Variants in PPFIA2 observed in about 807,000 individuals in gnomAD.
PPFIA2 encodes the protein liprin-alpha-2.
A neutral mutation model predicts 175.5 loss-of-function variants in PPFIA2; 46 were observed. The ratio of observed to expected loss-of-function variants is 0.26; its 90% CI spans 0.21 to 0.34. The LOEUF (loss-of-function observed/expected upper bound fraction) is 0.34. Among genes scored for constraint, PPFIA2 ranks in the 10% least tolerant of loss-of-function variants. The probability of loss-of-function intolerance (pLI) is 1.00; values close to 1 mark genes in which losing one functional copy is unlikely to be tolerated. For missense variants in PPFIA2, 1,179 were observed against 1,506.1 expected, an observed-to-expected ratio of 0.78 and a Z score of 3.60; for synonymous variants, 568 against 511.4, an observed-to-expected ratio of 1.11 and a Z score of -1.49.
chr12:81,717,770 T>C (rs1462801780), intron 3 of PPFIA2, among the ~76,000 whole-genome samples: 2 of 151,634 alleles, frequency 1.3e-5, no homozygotes, highest in Non-Finnish European at 3.0e-5. Context: ...AAGCTCCATG[T>C]AAGGAGAATC....
rs1448106475 is a variant in PPFIA2, at chr12:81,478,391, A to AT, written c.304-20526dup. Reference sequence around the variant, plus strand: ...CTGGATTCATTGATTTTTTTGAAGGATTTTACGTCTCTATCCCTTCAGATC... The same window carrying AT: ...CTGGATTCATTGATTTTTTTGAAGGATTTTTACGTCTCTATCCCTTCAGATC... On this transcript the variant is annotated intron_variant, in intron 4 of 32. Coordinates refer to ENST00000549396, the MANE Select transcript of PPFIA2 (RefSeq NM_003625.5). Among the ~76,000 whole-genome samples the AT allele has an allele frequency of 2.0e-5, 3 of 151,564 alleles. No individual in the cohort carries two copies. In the East Asian group the frequency reaches 5.8e-4, roughly 29 times the overall value.
At chr12:81,369,482 T>A in intron 11 of PPFIA2, 3 of 1,229,604 alleles carry the variant, frequency 2.4e-6, no homozygotes, top group Non-Finnish European at 3.1e-6. Context: ...CCTGCCATTG[T>A]CCAATCTTAA....
At chr12:81,593,082 T>C (rs1412134729) in intron 4 of PPFIA2, among the ~76,000 whole-genome samples, 1 of 152,158 alleles carries the variant, frequency 6.6e-6, no homozygotes, top group Non-Finnish European at 1.5e-5. Flanking sequence ...ATAAAATTTC[T>C]TCATGCAATT....
At chr12:81,362,825 C>T (rs1166234599) in intron 14 of PPFIA2, 41 bp from the exon 15 acceptor site, 1 of 1,218,470 alleles carries the variant, frequency 8.2e-7, no homozygotes. Flanking sequence ...CCAGTAATAT[C>T]AGCAAGCAAT....
intron 4 of PPFIA2, among the ~76,000 whole-genome samples, chr12:81,603,883 T>G (rs2060035062): frequency 1.3e-5 from 2 of 151,284 alleles, no homozygotes; most frequent in South Asian, 4.2e-4. Flanking sequence ...CTGTTTTCCT[T>G]TCTCTTCCAC....
chr12:81,266,582 A>G (rs2037326974), intron 30 of PPFIA2, among the ~76,000 whole-genome samples: 1 of 152,184 alleles, frequency 6.6e-6, no homozygotes. Flanking sequence ...GGCAAGATAT[A>G]CTGATATTTA....
At chr12:81,591,361 G>A (rs142966370) in intron 4 of PPFIA2, among the ~76,000 whole-genome samples, 1 of 152,316 alleles carries the variant, frequency 6.6e-6, no homozygotes, top group African/African-American at 2.4e-5. Context: ...GCCTGACAAT[G>A]CTATAGAAAA....
intron 7 of PPFIA2, among the ~76,000 whole-genome samples, chr12:81,435,783 T>C (rs903304794): frequency 2.0e-5 from 3 of 152,052 alleles, no homozygotes; most frequent in Non-Finnish European, 4.4e-5. Flanking sequence ...CGTTCTGAAT[T>C]TGGGAATTGA....
rs145605357 is a variant in PPFIA2, at chr12:81,293,626, A to T, written c.2925+1209T>A. Among the ~76,000 whole-genome samples, 881 of 151,964 alleles carry T rather than the reference A, an allele frequency of 5.8e-3. 21 individuals carry two copies. Among genetic ancestry groups the T allele is most frequent in the African/African-American group, 0.02 (848 of 41,510 alleles). On this transcript the variant is annotated intron_variant, in intron 24 of 32. Transcript: ENST00000549396. ...TCAGTCAGAATGGCTATTACTAAAAAGTTAAGAAAAAAAAAAGATGTCGGC... is the reference window on the plus strand; with the variant it reads ...TCAGTCAGAATGGCTATTACTAAAATGTTAAGAAAAAAAAAAGATGTCGGC...
At chr12:81,590,419 A>G (rs945110372) in intron 4 of PPFIA2, among the ~76,000 whole-genome samples, 1 of 152,112 alleles carries the variant, frequency 6.6e-6, no homozygotes, top group African/African-American at 2.4e-5. Flanking sequence ...GATTACAGAG[A>G]TATGATGCTA....
At chr12:81,710,413 A>G (rs193003636) in intron 3 of PPFIA2, among the ~76,000 whole-genome samples, 1 of 152,166 alleles carries the variant, frequency 6.6e-6, no homozygotes, top group African/African-American at 2.4e-5. Flanking sequence ...AAACTGTTGT[A>G]ATGTTTTAGA....
chr12:81,302,269 T>C (rs1253494019), intron 22 of PPFIA2: 1 of 372,664 alleles, frequency 2.7e-6, no homozygotes, highest in Non-Finnish European at 5.3e-6. Context: ...TATTTCCCAC[T>C]TTCTCACAAT....
At chr12:81,287,891 T>C (rs112788284) in intron 24 of PPFIA2, among the ~76,000 whole-genome samples, 8,217 of 151,820 alleles carry the variant, frequency 0.054, 232 homozygotes, top group Middle Eastern at 0.068. Context: ...GAAACAAATA[T>C]TGTATAACTT....
In PPFIA2 at chr12:81,501,128, T is replaced by C. The variant is rs1431008941; in HGVS notation, c.304-43262A>G. Among the ~76,000 whole-genome samples, 9 of 152,330 alleles carry C rather than the reference T, an allele frequency of 5.9e-5. No individual in the cohort carries two copies. The South Asian group carries it at 1.9e-3, about 32-fold the overall frequency. ...AGTCATCCTTTAGCCTATGATGTCCTACATGATTTGAATTCCCTTCCATTG... is the reference window on the plus strand; with the variant it reads ...AGTCATCCTTTAGCCTATGATGTCCCACATGATTTGAATTCCCTTCCATTG... On this transcript the variant is annotated intron_variant, in intron 4 of 32. Coordinates refer to ENST00000549396, the MANE Select transcript of PPFIA2 (RefSeq NM_003625.5).
At chr12:81,673,941 T>C (rs2071938249) in intron 4 of PPFIA2, among the ~76,000 whole-genome samples, 1 of 152,066 alleles carries the variant, frequency 6.6e-6, no homozygotes, top group African/African-American at 2.4e-5. Flanking sequence ...ATAAAATCTA[T>C]TTAACACTTA....
rs1567691255 is a variant in PPFIA2 at position 81,642,834 on chromosome 12, G to GTATATGCATGTATA, written c.303+33956_303+33957insTATACATGCATATA. The stretch of plus-strand genomic sequence containing the variant: ...ATTACATACATGTATATGTATGTAT[G>GTATATGCATGTATA]TATTACATACATATATAACATGTAT... On this transcript the variant is annotated intron_variant, in intron 4 of 32. Transcript: ENST00000549396. 4.3e-4 allele frequency among the ~76,000 whole-genome samples: 14 copies of GTATATGCATGTATA among 32,922 alleles called. 6 individuals are homozygous for GTATATGCATGTATA. The highest frequency in any genetic ancestry group is 1.8e-3 in the African/African-American group (14 of 7,626). 21.6% of individuals were successfully genotyped at this position (32,922 alleles called of 152,430 possible). A position where few individuals can be genotyped will look rare whatever the true frequency, so the allele number is the denominator to read the frequency against.
At chr12:81,477,467 G>A (rs774927367) in intron 4 of PPFIA2, among the ~76,000 whole-genome samples, 8 of 151,942 alleles carry the variant, frequency 5.3e-5, no homozygotes, top group Non-Finnish European at 8.8e-5. Context: ...GAAAATCTGT[G>A]CTGGTCTTGT....
intron 8 of PPFIA2, among the ~76,000 whole-genome samples, chr12:81,394,066 T>C (rs1305125703): frequency 1.3e-5 from 2 of 152,076 alleles, no homozygotes; most frequent in African/African-American, 2.4e-5. Context: ...GCTAAAAATA[T>C]GCAATAGCAG....
At chr12:81,300,890 T>C (rs1327286065) in intron 22 of PPFIA2, among the ~76,000 whole-genome samples, 1 of 152,166 alleles carries the variant, frequency 6.6e-6, no homozygotes, top group Non-Finnish European at 1.5e-5. Context: ...CTGAGACTTG[T>C]GTTTGGTGTG....
Sources: allele counts gnomAD v4.1 joint callset (sites outside exome capture counted in the v4.1 genomes callset), GRCh38; gene constraint gnomAD v4.1.1; transcripts MANE v1.5; gene names NCBI Gene and HGNC (gene_info 2026-07-23, HGNC 2026-07-21).